Variants in ZNF750 observed in about 807,000 individuals in gnomAD.
ZNF750 encodes the protein protein ZNF750.
ZNF750 carries 10 observed loss-of-function variants against 31.6 expected under a neutral mutation model. The observed-to-expected ratio is 0.32, with a 90% CI of 0.19 to 0.54. ZNF750 has a LOEUF of 0.54. Ranked by LOEUF, ZNF750 falls within the 20% of genes least tolerant of loss-of-function variation. ZNF750 has a pLI of 0.95. For missense variants in ZNF750, 914 were observed against 934.9 expected (o/e 0.98, Z 0.29); for synonymous variants, 400 against 404.9 (o/e 0.99, Z 0.15).
chr17:82,830,827 A>G lies in ZNF750; in HGVS notation c.1487T>C (p.Leu496Pro). 6.2e-7 allele frequency: 1 copy of G among 1,613,232 alleles called. No individual in the cohort carries two copies. Reference protein sequence around the residue: ...DPPAPTGSASLVSEAAPSSPD... With the variant: ...DPPAPTGSASPVSEAAPSSPD... Reference sequence around the variant, plus strand: ...ACTGGAAGGCGCGGCCTCCGAGACGAGAGAGGCGCTTCCGGTCGGAGCAGG... The same window carrying G: ...ACTGGAAGGCGCGGCCTCCGAGACGGGAGAGGCGCTTCCGGTCGGAGCAGG... Residue 496 changes from leucine (L) to proline (P), a missense_variant, in exon 3 of 3, where the codon CTC becomes CCC. Transcript: ENST00000269394.
chr17:82,838,198 A>G lies in ZNF750; in HGVS notation c.-183+1729T>C, dbSNP rs116748446. On this transcript the variant is annotated intron_variant, in intron 1 of 2. Coordinates refer to ENST00000269394, the MANE Select transcript of ZNF750 (RefSeq NM_024702.3). ...ATGGGGTTGTGTCTAAATTGCCAAT[A>G]TACTGTCTTTCCAAAGGTTCCTAAG... Among the ~76,000 whole-genome samples the G allele has an allele frequency of 7.8e-3, 1,185 of 152,318 alleles. 14 individuals are homozygous for G. Among genetic ancestry groups the G allele is most frequent in the African/African-American group, 0.027 (1,124 of 41,560 alleles).
intron 1 of ZNF750, chr17:82,839,046 G>A: frequency 1.1e-6 from 1 of 914,210 alleles, no homozygotes. Flanking sequence ...TATATGTACA[G>A]AAGACCTTAA....
rs367582658 is a variant in ZNF750, at chr17:82,832,100, C to G, written c.355G>C (p.Ala119Pro). 6.2e-7 allele frequency: 1 copy of G among 1,614,220 alleles called. No homozygotes were observed. The part of the protein sequence containing the change: ...EDIKENLELQ[A>P]RGTHRCLGQK... ...CCCAGGCACCTGTGGGTTCCCCGGG[C>G]TTGCAGCTCCAGGTTTTCCTTGATG... Residue 119 changes from alanine (A) to proline (P), a missense_variant, in exon 2 of 3, where the codon GCC (alanine) becomes CCC (proline). By Grantham distance (27) the Ala-to-Pro change is conservative. Transcript: ENST00000269394. The surrounding 1 kb of genome is among the most constrained non-coding windows in gnomAD (Gnocchi z 4.9).
intron 1 of ZNF750, among the ~76,000 whole-genome samples, chr17:82,834,310 G>A (rs906667864): frequency 2.6e-5 from 4 of 152,212 alleles, no homozygotes; most frequent in South Asian, 2.1e-4. Flanking sequence ...AGCGACTCAA[G>A]CAGCAACTGT....
intron 1 of ZNF750, among the ~76,000 whole-genome samples, chr17:82,839,291 ATGTACT>A (rs2054256350): frequency 6.6e-6 from 1 of 152,176 alleles, no homozygotes; most frequent in Non-Finnish European, 1.5e-5. Flanking sequence ...ATTCAGCCTG[ATGTACT>A]TATACCACAC....
chr17:82,832,096 C>T lies in ZNF750; in HGVS notation c.359G>A (p.Arg120Gln), dbSNP rs371042619. Residue 120 changes from arginine to glutamine, a missense_variant, in exon 2 of 3, where the codon CGG (arginine) becomes CAG (glutamine). Arg to Gln is a conservative substitution (Grantham distance 43). Around this residue, in one of 2 missense-constraint regions of ZNF750, gnomAD observed 880 missense variants for 868.9 expected, o/e 1.01. Coordinates refer to ENST00000269394, the MANE Select transcript of ZNF750 (RefSeq NM_024702.3). The surrounding 1 kb of genome is among the most constrained non-coding windows in gnomAD (Gnocchi z 4.9). ...DIKENLELQA[R>Q]GTHRCLGQKP... The stretch of plus-strand genomic sequence containing the variant: ...CTGTCCCAGGCACCTGTGGGTTCCC[C>T]GGGCTTGCAGCTCCAGGTTTTCCTT... The T allele has an allele frequency of 7.8e-5, 126 of 1,614,086 alleles. No homozygotes were observed. The highest frequency in any genetic ancestry group is 1.6e-4 in the Middle Eastern group (1 of 6,084).
chr17:82,830,628 C>T lies in ZNF750; in HGVS notation c.1686G>A (p.Gln562=), dbSNP rs750090135. The T allele has an allele frequency of 9.3e-6, 15 of 1,613,908 alleles. No individual in the cohort carries two copies. Among genetic ancestry groups the T allele is most frequent in the Non-Finnish European group, 1.3e-5 (15 of 1,179,962 alleles). ...GACCGGGGAAGGCAGGCCTCGGAGCCTGGGTGTTACAGGGGTCCTTCACCG... is the reference window on the plus strand; with the variant it reads ...GACCGGGGAAGGCAGGCCTCGGAGCTTGGGTGTTACAGGGGTCCTTCACCG... ...NLSVKDPCNT[Q]APRPAFPGRP... The change falls in exon 3 of 3, where the codon CAG becomes CAA. Residue 562 remains glutamine, a synonymous_variant. Coordinates refer to ENST00000269394, the MANE Select transcript of ZNF750 (RefSeq NM_024702.3).
At position 82,838,773 on chromosome 17, in the gene ZNF750, A is replaced by G. The variant is rs1000968951; in HGVS notation, c.-183+1154T>C. The G allele has an allele frequency of 5.1e-6, 5 of 985,328 alleles. No homozygotes were observed. In the African/African-American group the frequency reaches 8.7e-5, roughly 17 times the overall value. The allele number at this position is 985,328 out of a possible 1,614,324, so 61.0% of individuals were successfully genotyped here. On this transcript the variant is annotated intron_variant, in intron 1 of 2. Transcript: ENST00000269394. ...ATGTAATTTGGAAGAATGGATCCAG[A>G]AAAACAACCAGGGGCTCTTAACTCT...
rs185485964 is a variant in ZNF750, at chr17:82,834,439, A to G, written c.-182-1803T>C. ...GTCTTTAGGGTCTAAATATTTTCAA[A>G]CAGCTTAAAAATAAAGTTAAATGAC... On this transcript the variant is annotated intron_variant, in intron 1 of 2. Coordinates refer to ENST00000269394, the MANE Select transcript of ZNF750 (RefSeq NM_024702.3). 2.0e-5 allele frequency among the ~76,000 whole-genome samples: 3 copies of G among 152,356 alleles called. No individual in the cohort carries two copies. The East Asian group carries it at 5.8e-4, about 29-fold the overall frequency.
chr17:82,832,777 TG>T lies in ZNF750; in HGVS notation c.-182-142del, dbSNP rs1379731422. On this transcript the variant is annotated intron_variant, in intron 1 of 2. Transcript: ENST00000269394. This position sits in a 1 kb window ranked among gnomAD's most constrained non-coding sequence, Gnocchi z 4.9. ...ACTGCCTGCTCCTGAGGGGAGCAGC[TG>T]CCGGTCACAGAAGCAGCCCTGCCCT... 1 of 430,910 alleles carries T rather than the reference TG, an allele frequency of 2.3e-6. No individual in the cohort carries two copies. Among genetic ancestry groups the T allele is most frequent in the African/African-American group, 2.0e-5 (1 of 50,058 alleles). 26.7% of individuals were successfully genotyped at this position (430,910 alleles called of 1,614,324 possible). A position where few individuals can be genotyped will look rare whatever the true frequency, so the allele number is the denominator to read the frequency against.
chr17:82,831,671 C>T lies in ZNF750; in HGVS notation c.784G>A (p.Ala262Thr), dbSNP rs937600251. Residue 262 changes from alanine to threonine, a missense_variant, in exon 2 of 3, where the codon GCT (alanine) becomes ACT (threonine). By Grantham distance (58) the Ala-to-Thr change is moderately conservative (BLOSUM62 0). Coordinates refer to ENST00000269394, the MANE Select transcript of ZNF750 (RefSeq NM_024702.3). This position sits in a 1 kb window ranked among gnomAD's most constrained non-coding sequence, Gnocchi z 4.6. ...GCGTCACACTCAGGCGAGCTCCCAG[C>T]CAGCAGGTAAGGCGAGTAGATGGTG... is the stretch of plus-strand genomic sequence containing the variant. The part of the protein sequence containing the change: ...LATIYSPYLL[A>T]GSSPECDAPL... The T allele has an allele frequency of 2.5e-6, 4 of 1,613,954 alleles. No individual in the cohort carries two copies. The South Asian group carries it at 3.3e-5, about 13-fold the overall frequency.
chr17:82,838,565 A>G (rs932208174), intron 1 of ZNF750: 11 of 803,346 alleles, frequency 1.4e-5, no homozygotes, highest in Middle Eastern at 6.3e-4. Flanking sequence ...GCGTTGTTGC[A>G]TAACTCAAGG....
chr17:82,831,486 C>T lies in ZNF750; in HGVS notation c.969G>A (p.Arg323=). Residue 323 remains arginine (R), a synonymous_variant, in exon 2 of 3, where the codon AGG becomes AGA. Coordinates refer to ENST00000269394, the MANE Select transcript of ZNF750 (RefSeq NM_024702.3). This position sits in a 1 kb window ranked among gnomAD's most constrained non-coding sequence, Gnocchi z 4.6. ...CATAGGAGGAAAATGCAGACTCTGGCCTGTAAAATCCGTAAGGAATCGGCA... is the reference window on the plus strand; with the variant it reads ...CATAGGAGGAAAATGCAGACTCTGGTCTGTAAAATCCGTAAGGAATCGGCA... ...SNLPIPYGFY[R]PESAFSSYGL... 6.2e-7 allele frequency: 1 copy of T among 1,614,094 alleles called. No homozygotes were observed. The highest frequency in any genetic ancestry group is 8.5e-7 in the Non-Finnish European group (1 of 1,180,024).
rs748990586 is a variant in ZNF750, at chr17:82,831,411, G to C, written c.1044C>G (p.His348Gln). The C allele has an allele frequency of 6.8e-6, 11 of 1,614,098 alleles. No individual in the cohort carries two copies. The highest frequency in any genetic ancestry group is 5.5e-5 in the South Asian group (5 of 91,084). The change falls in exon 2 of 3, where the codon CAC (histidine) becomes CAG (glutamine). Residue 348 changes from histidine to glutamine, a missense_variant. Physicochemically the swap from His to Gln is conservative, Grantham distance 24 (BLOSUM62 0). Transcript: ENST00000269394. The surrounding 1 kb of genome is among the most constrained non-coding windows in gnomAD (Gnocchi z 4.6). Reference sequence around the variant, plus strand: ...AGACCAGGGTGGCTTCTTCAAGCAGGTGAGAGCTCTGATCTCGGGTGAGGC... The same window carrying C: ...AGACCAGGGTGGCTTCTTCAAGCAGCTGAGAGCTCTGATCTCGGGTGAGGC... ...VTGLTRDQSS[H>Q]LLEEATLVYP...
intron 1 of ZNF750, among the ~76,000 whole-genome samples, chr17:82,836,634 T>C (rs1004918350): frequency 8.7e-5 from 13 of 149,498 alleles, no homozygotes; most frequent in Non-Finnish European, 1.3e-4. Flanking sequence ...TTTAAGAAAA[T>C]GAGGACTTCA....
At position 82,833,893 on chromosome 17, in the gene ZNF750, G is replaced by C. The variant is rs2053727858; in HGVS notation, c.-182-1257C>G. On this transcript the variant is annotated intron_variant, in intron 1 of 2. Coordinates refer to ENST00000269394, the MANE Select transcript of ZNF750 (RefSeq NM_024702.3). The surrounding 1 kb of genome is among the most constrained non-coding windows in gnomAD (Gnocchi z 4.7). ...GAGGGTCTCTGTGTCCCCCTTACCA[G>C]CCTCAGGTTTCCTTCAGAGGCTGTG... is the stretch of plus-strand genomic sequence containing the variant. 6.6e-6 allele frequency among the ~76,000 whole-genome samples: 1 copy of C among 152,108 alleles called. No homozygotes were observed. The highest frequency in any genetic ancestry group is 6.5e-5 in the Admixed American group (1 of 15,278).
chr17:82,830,235 C>G lies in ZNF750; in HGVS notation c.2079G>C (p.Arg693Ser), dbSNP rs267605100. 1 of 1,614,210 alleles carries G rather than the reference C, an allele frequency of 6.2e-7. No homozygotes were observed. The highest frequency in any genetic ancestry group is 8.5e-7 in the Non-Finnish European group (1 of 1,180,036). ...CTCCTTGCTGGGATTTTCCAGCATC[C>G]CTTAGACTTGTCCTCTTTTGTCCTT... is the stretch of plus-strand genomic sequence containing the variant. ...RPKGQKRTSLRDAGKSQQGAK... is the reference protein window; with the variant it reads ...RPKGQKRTSLSDAGKSQQGAK... The change falls in exon 3 of 3, where the codon AGG becomes AGC. Residue 693 changes from arginine (R) to serine (S), a missense_variant. Coordinates refer to ENST00000269394, the MANE Select transcript of ZNF750 (RefSeq NM_024702.3).
rs1196459554 is a variant in ZNF750, at chr17:82,831,560, G to A, written c.895C>T (p.Pro299Ser). ...AACCTGTAGTGATCGTATGTGGCTG[G>A]AGATGGAGCCAGGTGCTTAGGGATC... ...GPIPKHLAPS[P>S]ATYDHYRFFQ... Residue 299 changes from proline (P) to serine (S), a missense_variant, in exon 2 of 3, where the codon CCA becomes TCA. By Grantham distance (74) the Pro-to-Ser change is moderately conservative. This residue lies in a region of ZNF750 where 880 missense variants were observed against 868.9 expected (regional missense o/e 1.01). Transcript: ENST00000269394. The surrounding 1 kb of genome is among the most constrained non-coding windows in gnomAD (Gnocchi z 4.6). 6.2e-7 allele frequency: 1 copy of A among 1,614,062 alleles called. No homozygotes were observed. The highest frequency in any genetic ancestry group is 1.3e-5 in the African/African-American group (1 of 74,922).
chr17:82,831,156 G>A lies in ZNF750; in HGVS notation c.1299C>T (p.Leu433=), dbSNP rs754460054. ...GTGCGCTGGAGGCTGCCTTGTTGGA[G>A]AGGTCGTACAGGCCTTCGCAGGTCT... ...TSQTCEGLYD[L]SNKAASSALG... is the part of the protein sequence containing the mutation. Residue 433 remains leucine, a synonymous_variant, in exon 2 of 3, where the codon CTC becomes CTT. Transcript: ENST00000269394. The surrounding 1 kb of genome is among the most constrained non-coding windows in gnomAD (Gnocchi z 4.6). 1.6e-4 allele frequency: 252 copies of A among 1,614,032 alleles called. No individual in the cohort carries two copies. Among genetic ancestry groups the A allele is most frequent in the Non-Finnish European group, 2.0e-4 (238 of 1,180,036 alleles).
Sources: allele counts gnomAD v4.1 joint callset (sites outside exome capture counted in the v4.1 genomes callset), GRCh38; gene constraint gnomAD v4.1.1; regional missense constraint gnomAD v4.1.1; non-coding constraint Gnocchi (gnomAD v3.1); transcripts MANE v1.5; gene names NCBI Gene and HGNC (gene_info 2026-07-23, HGNC 2026-07-21).